Variants in SNX1 observed in about 807,000 individuals in gnomAD.
SNX1 encodes sorting nexin-1.
SNX1 carries 36 observed loss-of-function variants against 71.8 expected under a neutral mutation model. That is an observed-to-expected ratio of 0.50 (90% CI 0.38 to 0.66). SNX1 has a LOEUF of 0.66. Among genes scored for constraint, SNX1 ranks in the 30% least tolerant of loss-of-function variants. The pLI is 0.00. For synonymous variants in SNX1, 254 were observed against 240.7 expected (o/e 1.06, Z -0.51); for missense variants, 612 against 646.7 (o/e 0.95, Z 0.58).
At chr15:64,132,379 T>C (rs1345907419) in intron 11 of SNX1, 1 of 169,216 alleles carries the variant, frequency 5.9e-6, no homozygotes, top group African/African-American at 2.4e-5. Context: ...GGCTTGGCAT[T>C]GCATGGAGGA....
rs957412661 is a variant in SNX1, at chr15:64,139,256, T to G, written c.*1638T>G. The G allele has an allele frequency of 6.7e-6, 1 of 149,466 alleles. No individual in the cohort carries two copies. The allele number at this position is 149,466 out of a possible 1,614,324, so 9.3% of individuals were successfully genotyped here. On this transcript the variant is annotated 3_prime_UTR_variant, in exon 15 of 15. Transcript: ENST00000559844. ...ATATTGTTATATATCTTCACAAAGT[T>G]GATCTGTAAAGCTGTGTAATTTGAA...
At chr15:64,110,989 C>T (rs867308339) in intron 1 of SNX1, among the ~76,000 whole-genome samples, 3 of 152,156 alleles carry the variant, frequency 2.0e-5, no homozygotes, top group Non-Finnish European at 4.4e-5. Flanking sequence ...TAATCTCCCC[C>T]GTGAGCTACT....
chr15:64,124,908 G>T (rs1230551932), intron 5 of SNX1, among the ~76,000 whole-genome samples: 1 of 152,096 alleles, frequency 6.6e-6, no homozygotes, highest in East Asian at 1.9e-4. Context: ...CTTAAATTTT[G>T]CCTATCTGGT....
At chr15:64,115,180 T>A (rs1452974204) in intron 2 of SNX1, among the ~76,000 whole-genome samples, 1 of 152,318 alleles carries the variant, frequency 6.6e-6, no homozygotes, top group East Asian at 1.9e-4. Flanking sequence ...CACATGAACA[T>A]GCAGATCTTT....
Position 64,134,523 on chromosome 15 carries a change from G to A in SNX1, c.1222-141G>A. 2 of 956,558 alleles carry A rather than the reference G, an allele frequency of 2.1e-6. No individual in the cohort carries two copies. Among genetic ancestry groups the A allele is most frequent in the South Asian group, 1.7e-5 (1 of 57,242 alleles). The allele number at this position is 956,558 out of a possible 1,614,324, so 59.3% of individuals were successfully genotyped here. On this transcript the variant is annotated intron_variant, in intron 11 of 14. Transcript: ENST00000559844. The surrounding 1 kb of genome is among the most constrained non-coding windows in gnomAD (Gnocchi z 4.1). ...TTGCTCCTAGACATTAAACTTCCCA[G>A]CTGGGCACTAACATGTGGCTGCAGA...
intron 4 of SNX1, among the ~76,000 whole-genome samples, chr15:64,119,628 G>A (rs1376572304): frequency 2.6e-5 from 4 of 151,802 alleles, no homozygotes; most frequent in African/African-American, 7.3e-5. Flanking sequence ...GGAGGCTGAG[G>A]CCAGAGAATC....
chr15:64,098,276 A>AATGATGTGC (rs1219289528), intron 1 of SNX1, among the ~76,000 whole-genome samples: 1 of 152,228 alleles, frequency 6.6e-6, no homozygotes, highest in Non-Finnish European at 1.5e-5. Context: ...TAACTGCTGG[A>AATGATGTGC]ATGATGTGCA....
At chr15:64,109,214 T>G (rs1033146110) in intron 1 of SNX1, among the ~76,000 whole-genome samples, 1 of 151,126 alleles carries the variant, frequency 6.6e-6, no homozygotes, top group African/African-American at 2.4e-5. Flanking sequence ...CTACTAAAAA[T>G]GCAAAAAAGT....
chr15:64,114,937 T>G (rs1172861617), intron 2 of SNX1, among the ~76,000 whole-genome samples: 1 of 152,132 alleles, frequency 6.6e-6, no homozygotes, highest in East Asian at 1.9e-4. Context: ...AGCCCAGGAT[T>G]TAAGACCAGC....
intron 1 of SNX1, among the ~76,000 whole-genome samples, chr15:64,108,849 G>A (rs1414875197): frequency 6.6e-6 from 1 of 151,890 alleles, no homozygotes; most frequent in African/African-American, 2.4e-5. Context: ...TGAGCCAGGC[G>A]TGGTGGTGGG....
rs1275844619 is a variant in SNX1, at chr15:64,140,571, T to A, written c.*2953T>A. On this transcript the variant is annotated 3_prime_UTR_variant, in exon 15 of 15. Coordinates refer to ENST00000559844, the MANE Select transcript of SNX1 (RefSeq NM_003099.5). ...AATGGAGAATGGTATTTATTTATTT[T>A]TATTTGATTTGATTATTATTACTAT... 2 of 152,182 alleles carry A rather than the reference T, an allele frequency of 1.3e-5. No homozygotes were observed. Among genetic ancestry groups the A allele is most frequent in the East Asian group, 1.9e-4 (1 of 5,202 alleles). 9.4% of individuals were successfully genotyped at this position (152,182 alleles called of 1,614,324 possible).
Position 64,138,083 on chromosome 15 carries a change from C to T in SNX1, c.*465C>T, listed in dbSNP as rs984060982. ...GAATCAGGTCTGGAATACTCCTAACCAAGAAGTTGCCCAGGTATAGTAAGT... is the reference window on the plus strand; with the variant it reads ...GAATCAGGTCTGGAATACTCCTAACTAAGAAGTTGCCCAGGTATAGTAAGT... On this transcript the variant is annotated 3_prime_UTR_variant, in exon 15 of 15. Transcript: ENST00000559844. 3.9e-6 allele frequency: 6 copies of T among 1,535,658 alleles called. No homozygotes were observed. The East Asian group carries it at 9.8e-5, about 25-fold the overall frequency.
At chr15:64,112,419 G>T (rs1214721763) in intron 1 of SNX1, among the ~76,000 whole-genome samples, 154 bp from the exon 2 acceptor site, 3 of 152,188 alleles carry the variant, frequency 2.0e-5, no homozygotes, top group Non-Finnish European at 4.4e-5. Context: ...GCTCTGTCAT[G>T]ACTTGGGCAG....
chr15:64,142,728 G>A lies in SNX1; in HGVS notation c.*5110G>A, dbSNP rs1170028451. ...TTCAGCGTTTGGGCTCCGGAGTGCTGAAGATGAGGACTGGACTTCGAGCTG... is the reference window on the plus strand; with the variant it reads ...TTCAGCGTTTGGGCTCCGGAGTGCTAAAGATGAGGACTGGACTTCGAGCTG... On this transcript the variant is annotated 3_prime_UTR_variant, in exon 15 of 15. Transcript: ENST00000559844. 4.4e-6 allele frequency: 2 copies of A among 455,894 alleles called. No individual in the cohort carries two copies. The highest frequency in any genetic ancestry group is 1.4e-4 in the East Asian group (2 of 14,412). The allele number at this position is 455,894 out of a possible 1,614,324, so 28.2% of individuals were successfully genotyped here. A position where few individuals can be genotyped will look rare whatever the true frequency, so the allele number is the denominator to read the frequency against.
chr15:64,104,336 G>T (rs528396518), intron 1 of SNX1, among the ~76,000 whole-genome samples: 2 of 147,752 alleles, frequency 1.4e-5, no homozygotes, highest in African/African-American at 5.0e-5. Flanking sequence ...GCAGTGGCGC[G>T]ATTTTGGCTC....
At chr15:64,124,742 C>G (rs898552069) in intron 5 of SNX1, among the ~76,000 whole-genome samples, 4 of 152,090 alleles carry the variant, frequency 2.6e-5, no homozygotes, top group Admixed American at 2.6e-4. Flanking sequence ...AGTATGTAAC[C>G]AGGAGTAATT....
intron 3 of SNX1, among the ~76,000 whole-genome samples, chr15:64,118,497 G>T (rs1350022267): frequency 2.0e-5 from 3 of 152,210 alleles, no homozygotes; most frequent in Non-Finnish European, 4.4e-5. Flanking sequence ...CAGGAGTATA[G>T]TTTCTCCTCA....
Position 64,138,096 on chromosome 15 carries a change from A to G in SNX1, c.*478A>G, listed in dbSNP as rs1248247310. 2 of 1,535,804 alleles carry G rather than the reference A, an allele frequency of 1.3e-6. No homozygotes were observed. The highest frequency in any genetic ancestry group is 1.7e-6 in the Non-Finnish European group (2 of 1,146,900). The stretch of plus-strand genomic sequence containing the variant: ...AATACTCCTAACCAAGAAGTTGCCC[A>G]GGTATAGTAAGTTTTTCTCTACCGT... On this transcript the variant is annotated 3_prime_UTR_variant, in exon 15 of 15. Transcript: ENST00000559844.
At chr15:64,126,585 G>C (rs1189092216) in intron 6 of SNX1, among the ~76,000 whole-genome samples, 1 of 151,998 alleles carries the variant, frequency 6.6e-6, no homozygotes, top group Non-Finnish European at 1.5e-5. Context: ...GTTTTTGTTT[G>C]TTTGTTTGTT....
Sources: allele counts gnomAD v4.1 joint callset (sites outside exome capture counted in the v4.1 genomes callset), GRCh38; gene constraint gnomAD v4.1.1; non-coding constraint Gnocchi (gnomAD v3.1); transcripts MANE v1.5; gene names NCBI Gene and HGNC (gene_info 2026-07-23, HGNC 2026-07-21).